Variants in RAF1 observed in about 807,000 individuals in gnomAD.
RAF1 encodes Raf-1 proto-oncogene, serine/threonine kinase, also known as RAF proto-oncogene serine/threonine-protein kinase.
A neutral mutation model predicts 81.1 loss-of-function variants in RAF1; 27 were observed. That is an observed-to-expected ratio of 0.33 (90% CI 0.25 to 0.46). The LOEUF is 0.46. Among genes scored for constraint, RAF1 ranks in the 20% least tolerant of loss-of-function variants. RAF1 has a pLI of 1.00. For synonymous variants in RAF1, 298 were observed against 294.0 expected, an observed-to-expected ratio of 1.01 and a Z score of -0.14; for missense variants, 598 against 826.0, an observed-to-expected ratio of 0.72 and a Z score of 3.38.
At chr3:12,660,328 A>G (rs1358803691) in intron 1 of RAF1, among the ~76,000 whole-genome samples, 1 of 151,266 alleles carries the variant, frequency 6.6e-6, no homozygotes, top group Non-Finnish European at 1.5e-5. Context: ...ACAGGGTCTC[A>G]CTCCATCACC....
chr3:12,622,545 T>A (rs903318766), intron 1 of RAF1, among the ~76,000 whole-genome samples: 1 of 152,152 alleles, frequency 6.6e-6, no homozygotes, highest in Admixed American at 6.6e-5. Context: ...CCAAGAGACA[T>A]CTCTTTAGAG....
At chr3:12,648,889 C>T (rs1232681270) in intron 1 of RAF1, among the ~76,000 whole-genome samples, 1 of 152,162 alleles carries the variant, frequency 6.6e-6, no homozygotes, top group Non-Finnish European at 1.5e-5. Flanking sequence ...CCGACGTGGG[C>T]GGATCACCTG....
chr3:12,587,472 GCCTCTTT>G, intron 14 of RAF1, 112 bp downstream of exon 13: 1 of 997,948 alleles, frequency 1.0e-6, no homozygotes. Context: ...CCTGTCCTCT[GCCTCTTT>G]CCTTAAAAAG....
At chr3:12,640,726 G>A (rs1049704090) in intron 1 of RAF1, among the ~76,000 whole-genome samples, 3 of 61,376 alleles carry the variant, frequency 4.9e-5, no homozygotes, top group African/African-American at 1.1e-4. Flanking sequence ...AGGTGCTGGA[G>A]AGGATGTGGA....
At chr3:12,613,137 A>T (rs918686570) in intron 2 of RAF1, among the ~76,000 whole-genome samples, 1 of 152,218 alleles carries the variant, frequency 6.6e-6, no homozygotes, top group African/African-American at 2.4e-5. Flanking sequence ...AAAGCTAGGC[A>T]GGTACTCAGA....
chr3:12,603,357 A>G (rs957142490), intron 8 of RAF1: 1 of 547,018 alleles, frequency 1.8e-6, no homozygotes, highest in Non-Finnish European at 3.3e-6. Flanking sequence ...AAACATGGAA[A>G]CAAGTGACAA....
rs560779572 is a variant in RAF1, at chr3:12,603,828, A to C, written c.835-291T>G. ...TCACTGTTAATTTCTGTCCCACACC[A>C]AAACTAAACTGCTCTTTAAATATCT... On this transcript the variant is annotated intron_variant, in intron 7 of 17. Coordinates refer to ENST00000442415, the MANE Select transcript of RAF1 (RefSeq NM_001354689.3). Among the ~76,000 whole-genome samples the C allele has an allele frequency of 1.1e-4, 16 of 152,226 alleles. 1 individual carries two copies. Among genetic ancestry groups the C allele is most frequent in the Non-Finnish European group, 1.9e-4 (13 of 68,034 alleles).
intron 10 of RAF1, 38 bp from the exon 10 acceptor site, chr3:12,599,846 T>C (rs369196677): frequency 9.8e-5 from 145 of 1,473,908 alleles, no homozygotes; most frequent in Non-Finnish European, 1.3e-4. Flanking sequence ...CTCCATGCAA[T>C]GGTAATAATC....
At chr3:12,613,369 G>A (rs184862348) in intron 2 of RAF1, among the ~76,000 whole-genome samples, 2 of 152,098 alleles carry the variant, frequency 1.3e-5, no homozygotes, top group Admixed American at 6.5e-5. Flanking sequence ...TCCTCTGATT[G>A]AAAGTGCTAA....
intron 2 of RAF1, among the ~76,000 whole-genome samples, chr3:12,615,602 CCA>C (rs1301353051): frequency 1.3e-5 from 2 of 152,178 alleles, no homozygotes; most frequent in Non-Finnish European, 1.5e-5. Context: ...GCTAGTTCTT[CCA>C]CAGTTAGTTC....
chr3:12,610,804 G>A (rs190194009), intron 3 of RAF1, among the ~76,000 whole-genome samples: 2 of 152,120 alleles, frequency 1.3e-5, no homozygotes, highest in Admixed American at 1.3e-4. Flanking sequence ...CTATATTTTC[G>A]GGGTGGAGGG....
At chr3:12,653,722 G>C (rs1045014837) in intron 1 of RAF1, among the ~76,000 whole-genome samples, 3 of 151,808 alleles carry the variant, frequency 2.0e-5, no homozygotes, top group African/African-American at 7.3e-5. Flanking sequence ...CTGGGCGACA[G>C]AGCAAGACTA....
At chr3:12,613,801 CAGGG>C in intron 2 of RAF1, among the ~76,000 whole-genome samples, 1 of 152,254 alleles carries the variant, frequency 6.6e-6, no homozygotes, top group South Asian at 2.1e-4. Flanking sequence ...TTGCTATCAC[CAGGG>C]ACTGAAGGGG....
intron 1 of RAF1, among the ~76,000 whole-genome samples, chr3:12,622,619 A>T (rs1356722096): frequency 6.6e-6 from 1 of 151,970 alleles, no homozygotes; most frequent in Non-Finnish European, 1.5e-5. Context: ...ATACTGTTTC[A>T]TTTTCTGCAT....
intron 14 of RAF1, among the ~76,000 whole-genome samples, chr3:12,586,649 G>A (rs1253270935): frequency 6.6e-6 from 1 of 152,166 alleles, no homozygotes; most frequent in Non-Finnish European, 1.5e-5. Flanking sequence ...CAAAACGTGG[G>A]TTGTAATGCC....
chr3:12,663,360 CTCTCTTACCCGAT>C (rs963756199), intron 1 of RAF1, among the ~76,000 whole-genome samples: 5 of 152,208 alleles, frequency 3.3e-5, no homozygotes, highest in African/African-American at 1.2e-4. Flanking sequence ...CAGTTTCCTC[CTCTCTTACCCGAT>C]TCCTCACGTC....
intron 1 of RAF1, among the ~76,000 whole-genome samples, chr3:12,635,112 G>A (rs1184141929): frequency 6.6e-6 from 1 of 151,798 alleles, no homozygotes. Flanking sequence ...AATTGCATGA[G>A]CTCATGAGTT....
intron 1 of RAF1, among the ~76,000 whole-genome samples, chr3:12,648,175 T>C (rs1275416900): frequency 1.3e-5 from 2 of 150,140 alleles, no homozygotes; most frequent in Non-Finnish European, 3.0e-5. Flanking sequence ...ATTTTTAAAA[T>C]AAACAGATGT....
chr3:12,599,276 G>A lies in RAF1; in HGVS notation c.1168+415C>T, dbSNP rs147589812. On this transcript the variant is annotated intron_variant, in intron 11 of 17. Transcript: ENST00000442415. ...TTCAGGAGATTTCCAGCTTTCCTATGCCTAACTGCATGACCATGGGCAAAT... is the reference window on the plus strand; with the variant it reads ...TTCAGGAGATTTCCAGCTTTCCTATACCTAACTGCATGACCATGGGCAAAT... The A allele has an allele frequency of 2.9e-4, 52 of 181,982 alleles. No individual in the cohort carries two copies. In the East Asian group the frequency reaches 6.5e-3, roughly 23 times the overall value. The allele number at this position is 181,982 out of a possible 1,614,324, so 11.3% of individuals were successfully genotyped here.
Sources: allele counts gnomAD v4.1 joint callset (sites outside exome capture counted in the v4.1 genomes callset), GRCh38; gene constraint gnomAD v4.1.1; transcripts MANE v1.5; gene names NCBI Gene and HGNC (gene_info 2026-07-23, HGNC 2026-07-21).